Variants in RRP12 observed in about 807,000 individuals in gnomAD.
RRP12 encodes the protein RRP12-like protein.
RRP12 carries 78 observed loss-of-function variants against 157.3 expected under a neutral mutation model. The observed-to-expected ratio is 0.50, with a 90% CI of 0.41 to 0.60. The LOEUF (loss-of-function observed/expected upper bound fraction) is 0.60. RRP12 is among the 20% of genes least tolerant of loss of function. RRP12 has a pLI of 0.00. For missense variants in RRP12, 1,521 were observed against 1,679.9 expected (o/e 0.91, Z 1.65); for synonymous variants, 726 against 670.9 (o/e 1.08, Z -1.27).
At chr10:97,390,657 CCT>C in intron 5 of RRP12, 80 bp downstream of exon 5, 1 of 1,363,784 alleles carries the variant, frequency 7.3e-7, no homozygotes, top group South Asian at 1.2e-5. Flanking sequence ...TGCCTAAACC[CCT>C]CTCAGGGAAC....
At chr10:97,371,369 C>T (rs1844149789) in intron 20 of RRP12, 1 of 456,010 alleles carries the variant, frequency 2.2e-6, no homozygotes, top group Non-Finnish European at 4.0e-6. Context: ...CCAAGGCCTG[C>T]ACATCTGCTG....
chr10:97,401,046 T>G (rs1195393990), intron 1 of RRP12, 47 bp downstream of exon 1: 9 of 1,601,000 alleles, frequency 5.6e-6, no homozygotes, highest in Non-Finnish European at 7.7e-6. Context: ...GACCCAGGTC[T>G]GCCTGGAACC....
chr10:97,400,988 G>A, intron 1 of RRP12, 105 bp downstream of exon 1: 3 of 1,358,692 alleles, frequency 2.2e-6, no homozygotes, highest in Non-Finnish European at 3.0e-6. Flanking sequence ...AGAGACGAAA[G>A]GTCCAATGCC....
At chr10:97,394,984 A>C (rs1453072274) in intron 3 of RRP12, among the ~76,000 whole-genome samples, 1 of 151,986 alleles carries the variant, frequency 6.6e-6, no homozygotes, top group Non-Finnish European at 1.5e-5. Context: ...CTCTACTAAA[A>C]ATACAAAAAT....
chr10:97,383,781 A>T (rs1425860353), intron 10 of RRP12, among the ~76,000 whole-genome samples: 2 of 152,198 alleles, frequency 1.3e-5, no homozygotes, highest in African/African-American at 2.4e-5. Flanking sequence ...CACAGAAAGG[A>T]TATCCCATGG....
At chr10:97,386,385 C>T (rs564188133) in intron 8 of RRP12, among the ~76,000 whole-genome samples, 3 of 151,238 alleles carry the variant, frequency 2.0e-5, no homozygotes, top group African/African-American at 4.9e-5. Context: ...GACAGAGTCT[C>T]GTCTCACTAT....
At chr10:97,366,375 T>C (rs1358589344) in intron 28 of RRP12, 71 bp downstream of exon 28, 2 of 1,555,794 alleles carry the variant, frequency 1.3e-6, no homozygotes, top group Admixed American at 1.9e-5. Context: ...TGCCACCCCC[T>C]ACCCACCACC....
At chr10:97,368,212 A>G (rs970922316) in intron 25 of RRP12, among the ~76,000 whole-genome samples, 4 of 150,706 alleles carry the variant, frequency 2.7e-5, no homozygotes, top group Non-Finnish European at 2.9e-5. Flanking sequence ...TGTATTTTTT[A>G]GTAGAGATGG....
chr10:97,371,221 G>A (rs1589419338), intron 20 of RRP12, 140 bp from the exon 21 acceptor site: 2 of 897,980 alleles, frequency 2.2e-6, no homozygotes, highest in East Asian at 5.3e-5. Flanking sequence ...CCAGTGGAAT[G>A]TGGACAGCGA....
chr10:97,396,430 C>T (rs887880758), intron 2 of RRP12, 129 bp from the exon 3 acceptor site: 6 of 735,674 alleles, frequency 8.2e-6, no homozygotes, highest in Admixed American at 4.1e-5. Context: ...AGGCAACATT[C>T]AGGGCCTAGG....
chr10:97,376,212 CTT>C (rs771016888), intron 15 of RRP12, among the ~76,000 whole-genome samples: 4 of 107,526 alleles, frequency 3.7e-5, no homozygotes, highest in Admixed American at 2.2e-4. Context: ...CTTTTACTTT[CTT>C]TTTTTTTTTT....
At position 97,373,867 on chromosome 10, in the gene RRP12, G is replaced by C; in HGVS notation, c.1826C>G (p.Thr609Arg). Residue 609 changes from threonine (T) to arginine (R), a missense_variant, in exon 16 of 34, where the codon ACA becomes AGA. Physicochemically the swap from Thr to Arg is moderately conservative, Grantham distance 71. Transcript: ENST00000370992. ...KAMDLAQAGS[T>R]VESKIYDTLQ... ...TGTGTCGTAGATCTTAGATTCCACT[G>C]TGCTGCCTGCCTGAGCCAGGTCCAT... The C allele has an allele frequency of 6.2e-7, 1 of 1,613,616 alleles. No individual in the cohort carries two copies. Among genetic ancestry groups the C allele is most frequent in the Non-Finnish European group, 8.5e-7 (1 of 1,179,906 alleles).
At chr10:97,393,185 C>T (rs958899647) in intron 4 of RRP12, 1 of 409,652 alleles carries the variant, frequency 2.4e-6, no homozygotes, top group Non-Finnish European at 4.8e-6. Context: ...AAAAAAGTTT[C>T]ATTTTCAATA....
chr10:97,389,702 G>A (rs544537344), intron 6 of RRP12, among the ~76,000 whole-genome samples: 8 of 152,128 alleles, frequency 5.3e-5, no homozygotes, highest in Non-Finnish European at 1.0e-4. Context: ...AAGTAGGTGT[G>A]ATTATCTCTA....
At chr10:97,399,959 TTAG>T (rs72281517) in intron 2 of RRP12, among the ~76,000 whole-genome samples, 57,465 of 151,634 alleles carry the variant, frequency 0.38, 11,312 homozygotes, top group African/African-American at 0.5. Flanking sequence ...GTAAATAAAT[TTAG>T]TTCTTGCTAG....
downstream of RRP12, chr10:97,356,415 A>C (rs78269854): frequency 6.6e-6 from 1 of 152,234 alleles, no homozygotes; most frequent in Admixed American, 6.5e-5. Flanking sequence ...TTGTTGAATC[A>C]ATGAACAAAG....
At chr10:97,368,973 G>A (rs1262480250) in intron 25 of RRP12, among the ~76,000 whole-genome samples, 1 of 152,184 alleles carries the variant, frequency 6.6e-6, no homozygotes, top group Non-Finnish European at 1.5e-5. Flanking sequence ...CTATACCAAG[G>A]GGCTCTTCAG....
At chr10:97,385,547 A>T (rs1363867494) in intron 9 of RRP12, among the ~76,000 whole-genome samples, 1 of 151,406 alleles carries the variant, frequency 6.6e-6, no homozygotes, top group South Asian at 2.1e-4. Flanking sequence ...AAAAACGTAC[A>T]TTTTGCTAAC....
chr10:97,367,684 ATCT>A (rs1177000398), intron 25 of RRP12, among the ~76,000 whole-genome samples: 3 of 152,120 alleles, frequency 2.0e-5, no homozygotes, highest in African/African-American at 4.8e-5. Flanking sequence ...CAGGTGGCAG[ATCT>A]TCTTATCTCC....
Sources: gnomAD v4.1 joint callset for allele counts (sites outside exome capture counted in the v4.1 genomes callset) on GRCh38, gnomAD v4.1.1 for gene constraint, MANE v1.5 for transcripts, NCBI Gene and HGNC (gene_info 2026-07-23, HGNC 2026-07-21) for gene names.